The following CADPS2 variants were observed in gnomAD, a reference collection of about 807,000 sequenced individuals.
CADPS2 encodes the protein calcium-dependent secretion activator 2.
Under a neutral mutation model 172.5 loss-of-function variants are expected in CADPS2, and 93 were observed. That is an observed-to-expected ratio of 0.54 (90% CI 0.46 to 0.64). The LOEUF is 0.64. Ranked by LOEUF, CADPS2 falls within the 30% of genes least tolerant of loss-of-function variation. The pLI is 0.00. For synonymous variants in CADPS2, 546 were observed against 555.2 expected, an observed-to-expected ratio of 0.98 and a Z score of 0.23; for missense variants, 1,420 against 1,565.9, an observed-to-expected ratio of 0.91 and a Z score of 1.57.
intron 6 of CADPS2, among the ~76,000 whole-genome samples, chr7:122,596,821 C>T (rs2071867448): frequency 6.6e-6 from 1 of 152,060 alleles, no homozygotes; most frequent in Admixed American, 6.6e-5. Context: ...TATAGCAACA[C>T]AAAACCCACT....
At chr7:122,808,180 T>C (rs1051344229) in intron 1 of CADPS2, among the ~76,000 whole-genome samples, 2 of 152,174 alleles carry the variant, frequency 1.3e-5, no homozygotes, top group East Asian at 3.9e-4. Context: ...TGCTTCTATG[T>C]GTCTTCTGTA....
intron 25 of CADPS2, among the ~76,000 whole-genome samples, chr7:122,376,387 A>T (rs560381090): frequency 2.0e-5 from 3 of 152,170 alleles, no homozygotes; most frequent in Non-Finnish European, 4.4e-5. Flanking sequence ...ATGAAATATT[A>T]TTCAGCCTCA....
intron 2 of CADPS2, chr7:122,699,269 G>A (rs2085650064): frequency 5.5e-6 from 1 of 183,290 alleles, no homozygotes; most frequent in Admixed American, 5.4e-5. Context: ...TTTCTATGTT[G>A]TTATAAGATG....
intron 2 of CADPS2, chr7:122,698,631 C>T (rs1207326277): frequency 1.9e-6 from 3 of 1,613,952 alleles, no homozygotes; most frequent in Admixed American, 3.3e-5. Context: ...TCTCTGAGTA[C>T]TTTGATCGGC....
chr7:122,835,483 T>G (rs528073399), intron 1 of CADPS2, among the ~76,000 whole-genome samples: 1 of 152,320 alleles, frequency 6.6e-6, no homozygotes, highest in South Asian at 2.1e-4. Flanking sequence ...ATCAAACTTC[T>G]CTGAGCTAAA....
chr7:122,558,569 T>C (rs2065319613), intron 7 of CADPS2, among the ~76,000 whole-genome samples: 1 of 152,162 alleles, frequency 6.6e-6, no homozygotes, highest in South Asian at 2.1e-4. Context: ...TCAGTGTCAC[T>C]TGTCATCTTT....
At chr7:122,357,357 C>T (rs2039542413) in intron 27 of CADPS2, 1 of 152,170 alleles carries the variant, frequency 6.6e-6, no homozygotes, top group African/African-American at 2.4e-5. Context: ...TTCTTACAGA[C>T]TCCACTAATT....
chr7:122,541,762 T>TA (rs1491382672), intron 8 of CADPS2, among the ~76,000 whole-genome samples: 6 of 145,526 alleles, frequency 4.1e-5, no homozygotes, highest in South Asian at 2.1e-4. Context: ...TATTCATATA[T>TA]TTATATATTC....
chr7:122,496,444 G>A (rs2058736594), intron 9 of CADPS2, among the ~76,000 whole-genome samples: 1 of 152,134 alleles, frequency 6.6e-6, no homozygotes, highest in Admixed American at 6.6e-5. Flanking sequence ...ATTATGGCAT[G>A]AGTCACCACG....
chr7:122,701,593 AAAAT>A lies in CADPS2; in HGVS notation c.453+35358_453+35361del, dbSNP rs1223440267. 2.5e-5 allele frequency: 7 copies of A among 279,900 alleles called. No homozygotes were observed. In the East Asian group the frequency reaches 3.9e-4, roughly 16 times the overall value. 17.3% of individuals were successfully genotyped at this position (279,900 alleles called of 1,614,324 possible). A position where few individuals can be genotyped will look rare whatever the true frequency, so the allele number is the denominator to read the frequency against. The stretch of plus-strand genomic sequence containing the variant: ...TACCCTAAAACTTAAAGTATAATAA[AAAAT>A]AAATAAATAAAATAAAATTCACCTA... On this transcript the variant is annotated intron_variant, in intron 2 of 29. Coordinates refer to ENST00000449022, the MANE Select transcript of CADPS2 (RefSeq NM_017954.11).
At chr7:122,665,147 G>A (rs1052479544) in intron 2 of CADPS2, among the ~76,000 whole-genome samples, 5 of 152,130 alleles carry the variant, frequency 3.3e-5, no homozygotes, top group African/African-American at 1.2e-4. Flanking sequence ...GTACTCCCAA[G>A]TTATGATCAT....
chr7:122,763,258 A>G (rs2093447867), intron 1 of CADPS2, among the ~76,000 whole-genome samples: 1 of 152,192 alleles, frequency 6.6e-6, no homozygotes, highest in African/African-American at 2.4e-5. Flanking sequence ...ATAATGAATC[A>G]TGATCTAAGC....
At chr7:122,600,821 C>A (rs951813474) in intron 6 of CADPS2, among the ~76,000 whole-genome samples, 1 of 152,006 alleles carries the variant, frequency 6.6e-6, no homozygotes, top group African/African-American at 2.4e-5. Context: ...ACCCAGAATC[C>A]AGTATTTGCA....
chr7:122,401,054 G>A (rs1482427017), intron 20 of CADPS2, among the ~76,000 whole-genome samples: 1 of 152,076 alleles, frequency 6.6e-6, no homozygotes, highest in Non-Finnish European at 1.5e-5. Context: ...GCTCTATTAT[G>A]GCTAATTTGA....
intron 1 of CADPS2, among the ~76,000 whole-genome samples, chr7:122,754,149 T>C (rs2093063737): frequency 6.6e-6 from 1 of 152,226 alleles, no homozygotes; most frequent in Admixed American, 6.5e-5. Context: ...CAAATGTATT[T>C]AGTTTTCATT....
Position 122,352,904 on chromosome 7 carries a change from T to C in CADPS2, c.3505-7223A>G, listed in dbSNP as rs543022245. Among the ~76,000 whole-genome samples the C allele has an allele frequency of 3.3e-5, 5 of 152,324 alleles. No individual in the cohort carries two copies. The South Asian group carries it at 1.0e-3, about 32-fold the overall frequency. On this transcript the variant is annotated intron_variant, in intron 27 of 29. Coordinates refer to ENST00000449022, the MANE Select transcript of CADPS2 (RefSeq NM_017954.11). ...TGTGGAAGGCAACTGGTTTTTCTTT[T>C]GGTAACTGGTCACGTTCTTAAGTAG...
intron 13 of CADPS2, among the ~76,000 whole-genome samples, chr7:122,472,532 C>A (rs2056114833): frequency 2.0e-5 from 3 of 152,166 alleles, no homozygotes; most frequent in African/African-American, 7.2e-5. Flanking sequence ...AAAACACTTT[C>A]TAGGCAAATC....
chr7:122,642,414 G>A (rs2077761749), intron 3 of CADPS2, among the ~76,000 whole-genome samples: 1 of 152,080 alleles, frequency 6.6e-6, no homozygotes, highest in Admixed American at 6.6e-5. Context: ...GAAATAGGAA[G>A]GTCTTCGAGA....
chr7:122,865,572 A>C (rs776248929), intron 1 of CADPS2, among the ~76,000 whole-genome samples: 3 of 152,200 alleles, frequency 2.0e-5, no homozygotes, highest in Non-Finnish European at 2.9e-5. Flanking sequence ...ACTTCTGTAC[A>C]AACATTGCCT....
Sources: allele counts gnomAD v4.1 joint callset (sites outside exome capture counted in the v4.1 genomes callset), GRCh38; gene constraint gnomAD v4.1.1; transcripts MANE v1.5; gene names NCBI Gene and HGNC (gene_info 2026-07-23, HGNC 2026-07-21).